Variants in FBXO7 observed in about 807,000 individuals in gnomAD.
The protein encoded by FBXO7 is F-box protein 7.
A neutral mutation model predicts 50.2 loss-of-function variants in FBXO7; 31 were observed. The ratio of observed to expected loss-of-function variants is 0.62; its 90% CI spans 0.46 to 0.83. FBXO7 has a LOEUF of 0.83. Ranked by LOEUF, FBXO7 falls within the 40% of genes least tolerant of loss-of-function variation. The probability of loss-of-function intolerance (pLI) is 0.00; values close to 1 mark genes in which losing one functional copy is unlikely to be tolerated. For synonymous variants in FBXO7, 256 were observed against 253.1 expected (o/e 1.01, Z -0.11); for missense variants, 667 against 646.6 (o/e 1.03, Z -0.34).
Position 32,479,172 on chromosome 22 carries a change from C to T in FBXO7, c.314C>T (p.Ser105Phe). ...TCACTCCAGAATAATGAGCAACCCT[C>T]TTTGGCCACCAGCTCCAATCAGACT... ...HSSLQNNEQPSLATSSNQTSM... is the reference protein window; with the variant it reads ...HSSLQNNEQPFLATSSNQTSM... The change falls in exon 2 of 9, where the codon TCT (serine) becomes TTT (phenylalanine). Residue 105 changes from serine (S) to phenylalanine (F), a missense_variant. Transcript: ENST00000266087. The T allele has an allele frequency of 6.2e-7, 1 of 1,614,112 alleles. No individual in the cohort carries two copies. Among genetic ancestry groups the T allele is most frequent in the Non-Finnish European group, 8.5e-7 (1 of 1,180,024 alleles).
At position 32,498,764 on chromosome 22, in the gene FBXO7, T is replaced by C; in HGVS notation, c.*234T>C. ...TGGCTGCCAATCTCCCTGCTCTTGG[T>C]TCTCCTCTAGATTGAAGTTTGTTTT... On this transcript the variant is annotated 3_prime_UTR_variant, in exon 9 of 9. Coordinates refer to ENST00000266087, the MANE Select transcript of FBXO7 (RefSeq NM_012179.4). The C allele has an allele frequency of 1.7e-6, 1 of 579,364 alleles. No individual in the cohort carries two copies. Among genetic ancestry groups the C allele is most frequent in the South Asian group, 2.1e-5 (1 of 48,556 alleles). 35.9% of individuals were successfully genotyped at this position (579,364 alleles called of 1,614,324 possible). A position where few individuals can be genotyped will look rare whatever the true frequency, so the allele number is the denominator to read the frequency against.
chr22:32,493,387 A>T (rs2057551372), intron 7 of FBXO7, 106 bp downstream of exon 7: 1 of 894,654 alleles, frequency 1.1e-6, no homozygotes. Flanking sequence ...AAATGATTAC[A>T]ATAAATAGCC....
At position 32,495,893 on chromosome 22, in the gene FBXO7, A is replaced by G. The variant is rs1484740896; in HGVS notation, c.1182+363A>G. ...CATAAGGTACTATTCTAATGTCTCT[A>G]TAACAAAAACTGCAAGGTGGAGCAG... On this transcript the variant is annotated intron_variant, in intron 8 of 8. Transcript: ENST00000266087. Among the ~76,000 whole-genome samples, 5 of 152,350 alleles carry G rather than the reference A, an allele frequency of 3.3e-5. No individual in the cohort carries two copies. The East Asian group carries it at 5.8e-4, about 18-fold the overall frequency.
At chr22:32,488,042 G>T in intron 5 of FBXO7, 2 of 518,542 alleles carry the variant, frequency 3.9e-6, no homozygotes, top group South Asian at 2.1e-5. Context: ...TTTTCTTAGG[G>T]TCATAGTGTG....
Position 32,498,273 on chromosome 22 carries a change from C to G in FBXO7, c.1312C>G (p.Arg438Gly). 6.2e-7 allele frequency: 1 copy of G among 1,614,190 alleles called. No homozygotes were observed. Among genetic ancestry groups the G allele is most frequent in the Non-Finnish European group, 8.5e-7 (1 of 1,180,040 alleles). ...PLHPRPFPSSRLPPGIIGGEY... is the reference protein window; with the variant it reads ...PLHPRPFPSSGLPPGIIGGEY... ...GCACCCTAGGCCATTTCCTAGCTCC[C>G]GCCTTCCTCCAGGAATTATCGGGGG... Residue 438 changes from arginine (R) to glycine (G), a missense_variant, in exon 9 of 9, where the codon CGC becomes GGC. Coordinates refer to ENST00000266087, the MANE Select transcript of FBXO7 (RefSeq NM_012179.4).
intron 1 of FBXO7, among the ~76,000 whole-genome samples, chr22:32,476,132 T>C (rs923516015): frequency 1.3e-5 from 2 of 152,224 alleles, no homozygotes; most frequent in African/African-American, 4.8e-5. Flanking sequence ...GCCGTTATTC[T>C]GAACTTCTCG....
At chr22:32,491,061 G>A (rs1254461348) in intron 5 of FBXO7, 25 bp from the exon 6 acceptor site, 1 of 1,566,796 alleles carries the variant, frequency 6.4e-7, no homozygotes, top group Non-Finnish European at 8.8e-7. Context: ...TTTGGGTTTT[G>A]ATTTTACTTT....
intron 5 of FBXO7, chr22:32,488,298 A>G (rs2057512302): frequency 1.3e-5 from 2 of 155,908 alleles, no homozygotes; most frequent in South Asian, 3.9e-4. Context: ...TGGCTATTTT[A>G]TACAGATTGA....
intron 6 of FBXO7, 139 bp from the exon 7 acceptor site, chr22:32,492,966 A>G (rs2057546902): frequency 1.2e-6 from 1 of 818,990 alleles, no homozygotes; most frequent in Non-Finnish European, 2.1e-6. Flanking sequence ...TAGATGATGC[A>G]TACTTGGGGA....
At chr22:32,494,120 A>T (rs1350265377) in intron 7 of FBXO7, among the ~76,000 whole-genome samples, 1 of 150,940 alleles carries the variant, frequency 6.6e-6, no homozygotes, top group Non-Finnish European at 1.5e-5. Context: ...AAAAAAAAAA[A>T]AAAAAAAGAA....
At chr22:32,482,757 T>C (rs2057473062) in intron 2 of FBXO7, among the ~76,000 whole-genome samples, 1 of 152,230 alleles carries the variant, frequency 6.6e-6, no homozygotes, top group Admixed American at 6.5e-5. Context: ...CCTTCAGCAT[T>C]TGTTCAGCAA....
In FBXO7 at chr22:32,474,914, G is replaced by A. The variant is rs1040280100; in HGVS notation, c.-89G>A. 5.2e-6 allele frequency: 7 copies of A among 1,335,706 alleles called. No individual in the cohort carries two copies. The African/African-American group carries it at 1.1e-4, about 20-fold the overall frequency. 82.7% of individuals were successfully genotyped at this position (1,335,706 alleles called of 1,614,324 possible). A position where few individuals can be genotyped will look rare whatever the true frequency, so the allele number is the denominator to read the frequency against. ...CTCCGGTAGTCGCCAGTCCGGGGTC[G>A]TCGCCGTTTGGGGCGGGAGCTGCTC... On this transcript the variant is annotated 5_prime_UTR_variant, in exon 1 of 9. Coordinates refer to ENST00000266087, the MANE Select transcript of FBXO7 (RefSeq NM_012179.4).
chr22:32,480,897 C>A (rs1221536960), intron 2 of FBXO7, among the ~76,000 whole-genome samples: 1 of 152,142 alleles, frequency 6.6e-6, no homozygotes, highest in Non-Finnish European at 1.5e-5. Flanking sequence ...AACTCCTGAC[C>A]TCAAGTGACC....
chr22:32,482,374 T>A (rs1198322442), intron 2 of FBXO7, among the ~76,000 whole-genome samples: 5 of 152,236 alleles, frequency 3.3e-5, no homozygotes, highest in Non-Finnish European at 7.3e-5. Context: ...ACCTTTTACA[T>A]ATACTGTGTA....
At position 32,498,479 on chromosome 22, in the gene FBXO7, C is replaced by G; in HGVS notation, c.1518C>G (p.Pro506=). Residue 506 remains proline, a synonymous_variant, in exon 9 of 9, where the codon CCC becomes CCG. Coordinates refer to ENST00000266087, the MANE Select transcript of FBXO7 (RefSeq NM_012179.4). The stretch of plus-strand genomic sequence containing the variant: ...GAGGCGGCCCCAATGACAGATTTCC[C>G]TTTAGACCCAGCAGGGGTCGGCCAA... The part of the protein sequence containing the change: ...PGRGGPNDRF[P]FRPSRGRPTD... The G allele has an allele frequency of 6.2e-7, 1 of 1,614,158 alleles. No homozygotes were observed. The highest frequency in any genetic ancestry group is 1.1e-5 in the South Asian group (1 of 91,072).
At chr22:32,477,486 A>G (rs1470003340) in intron 1 of FBXO7, among the ~76,000 whole-genome samples, 2 of 152,204 alleles carry the variant, frequency 1.3e-5, no homozygotes, top group East Asian at 3.9e-4. Context: ...TGTGATGCAG[A>G]AAGAATGGGA....
At chr22:32,485,036 A>G in intron 3 of FBXO7, 32 bp from the exon 4 acceptor site, 1 of 1,613,894 alleles carries the variant, frequency 6.2e-7, no homozygotes, top group African/African-American at 1.3e-5. Flanking sequence ...ACCTTTCTTC[A>G]TTATTTGTTT....
chr22:32,475,256 G>GT, intron 1 of FBXO7, 132 bp downstream of exon 1: 1 of 1,533,124 alleles, frequency 6.5e-7, no homozygotes, highest in East Asian at 2.4e-5. Flanking sequence ...CGGGGACGCC[G>GT]GGGGGGCCTT....
intron 4 of FBXO7, chr22:32,487,468 TC>T: frequency 3.2e-6 from 1 of 311,930 alleles, no homozygotes; most frequent in Non-Finnish European, 6.0e-6. Context: ...TTGTTGCATA[TC>T]TTTAAGTTAC....
Sources: allele counts gnomAD v4.1 joint callset (sites outside exome capture counted in the v4.1 genomes callset), GRCh38; gene constraint gnomAD v4.1.1; transcripts MANE v1.5; gene names NCBI Gene and HGNC (gene_info 2026-07-23, HGNC 2026-07-21).